Variants in DLC1 observed in about 807,000 individuals in gnomAD.
DLC1 encodes DLC1 Rho GTPase activating protein.
Under a neutral mutation model 140.3 loss-of-function variants are expected in DLC1, and 54 were observed. The ratio of observed to expected loss-of-function variants is 0.38; its 90% CI spans 0.31 to 0.48. DLC1 has a LOEUF of 0.48. DLC1 is among the 20% of genes least tolerant of loss of function. The probability of loss-of-function intolerance (pLI) is 0.96; values close to 1 mark genes in which losing one functional copy is unlikely to be tolerated. For synonymous variants in DLC1, 986 were observed against 728.1 expected, an observed-to-expected ratio of 1.35 and a Z score of -5.70; for missense variants, 2,536 against 1,907.0, an observed-to-expected ratio of 1.33 and a Z score of -6.14.
At chr8:13,140,716 T>C (rs1051254875) in intron 5 of DLC1, among the ~76,000 whole-genome samples, 5 of 152,194 alleles carry the variant, frequency 3.3e-5, no homozygotes, top group African/African-American at 1.2e-4. Flanking sequence ...TTAAAGGTCT[T>C]ACTTATTTGT....
At chr8:13,335,874 T>G (rs933941638) in intron 4 of DLC1, among the ~76,000 whole-genome samples, 2 of 149,776 alleles carry the variant, frequency 1.3e-5, no homozygotes, top group Non-Finnish European at 3.0e-5. Flanking sequence ...CTAAGTCATG[T>G]GTAATCATGA....
intron 1 of DLC1, among the ~76,000 whole-genome samples, chr8:13,587,760 C>G (rs867721001): frequency 6.6e-6 from 1 of 151,660 alleles, no homozygotes; most frequent in Non-Finnish European, 1.5e-5. Context: ...ATACAGCAAT[C>G]AGAGAACTAA....
At chr8:13,114,768 G>T (rs1221205387) in intron 6 of DLC1, among the ~76,000 whole-genome samples, 1 of 152,182 alleles carries the variant, frequency 6.6e-6, no homozygotes, top group Non-Finnish European at 1.5e-5. Flanking sequence ...TCATTACCAT[G>T]AAGGATTAGG....
intron 5 of DLC1, among the ~76,000 whole-genome samples, chr8:13,161,059 C>T (rs6993116): frequency 0.97 from 147,581 of 152,308 alleles, 71,682 homozygotes; most frequent in East Asian, 1. Flanking sequence ...CCAGCCTGGG[C>T]GACAGAGCGA....
intron 2 of DLC1, among the ~76,000 whole-genome samples, chr8:13,459,446 T>C (rs1443740389): frequency 6.6e-6 from 1 of 152,212 alleles, no homozygotes. Flanking sequence ...GTTTTTTCCC[T>C]CTCCTTCCTC....
intron 4 of DLC1, among the ~76,000 whole-genome samples, chr8:13,353,134 C>T (rs1230451113): frequency 2.0e-5 from 3 of 152,162 alleles, no homozygotes; most frequent in East Asian, 3.8e-4. Context: ...CTATACGTGG[C>T]TTTCCTCTTG....
chr8:13,319,477 G>GC (rs1563250221), intron 4 of DLC1, among the ~76,000 whole-genome samples: 1 of 119,622 alleles, frequency 8.4e-6, no homozygotes, highest in Admixed American at 9.6e-5. Flanking sequence ...GGCGGGGCGG[G>GC]GGGGGGGGGT....
chr8:13,320,704 T>C (rs76125610), intron 4 of DLC1, among the ~76,000 whole-genome samples: 11,840 of 152,130 alleles, frequency 0.078, 929 homozygotes, highest in East Asian at 0.38. Context: ...TATTAGTTCC[T>C]GTGAGAACGG....
At chr8:13,379,850 A>G (rs752972253) in intron 4 of DLC1, among the ~76,000 whole-genome samples, 10 of 152,316 alleles carry the variant, frequency 6.6e-5, no homozygotes, top group Middle Eastern at 6.8e-3. Context: ...TTGCAGGGAC[A>G]TCGATGAAAC....
intron 10 of DLC1, among the ~76,000 whole-genome samples, chr8:13,097,297 T>G (rs191205228): frequency 6.6e-6 from 1 of 150,988 alleles, no homozygotes; most frequent in Non-Finnish European, 1.5e-5. Flanking sequence ...AGTCTTACTC[T>G]GTCACCCAGG....
intron 1 of DLC1, among the ~76,000 whole-genome samples, chr8:13,547,008 G>A (rs942326966): frequency 2.4e-4 from 37 of 152,024 alleles, no homozygotes; most frequent in African/African-American, 8.7e-4. Flanking sequence ...TATGTTAAAT[G>A]TCTATGATAT....
chr8:13,371,511 A>T (rs1312509705), intron 4 of DLC1, among the ~76,000 whole-genome samples: 1 of 151,670 alleles, frequency 6.6e-6, no homozygotes, highest in African/African-American at 2.4e-5. Context: ...TGTACCTTTG[A>T]CAATTGGAGC....
intron 1 of DLC1, among the ~76,000 whole-genome samples, chr8:13,552,111 G>A (rs866857744): frequency 1.1e-4 from 6 of 54,528 alleles, no homozygotes; most frequent in Admixed American, 2.3e-4. Context: ...GTCTAGAGGT[G>A]TATATATATA....
chr8:13,337,994 C>G (rs559997219), intron 4 of DLC1, among the ~76,000 whole-genome samples: 1 of 152,244 alleles, frequency 6.6e-6, no homozygotes, highest in South Asian at 2.1e-4. Flanking sequence ...GAGTAGTATA[C>G]TTCAGTGTTC....
chr8:13,353,842 A>C (rs906983577), intron 4 of DLC1, among the ~76,000 whole-genome samples: 2 of 151,324 alleles, frequency 1.3e-5, no homozygotes, highest in Non-Finnish European at 2.9e-5. Context: ...GGGGGACAAG[A>C]GTGAGACTTC....
chr8:13,297,492 G>T (rs1405353177), intron 5 of DLC1, among the ~76,000 whole-genome samples: 1 of 151,902 alleles, frequency 6.6e-6, no homozygotes, highest in Non-Finnish European at 1.5e-5. Context: ...AGAATAGAAA[G>T]ATAAGACTCT....
intron 2 of DLC1, among the ~76,000 whole-genome samples, chr8:13,417,534 A>T (rs112311361): frequency 1.3e-5 from 2 of 151,794 alleles, no homozygotes; most frequent in Non-Finnish European, 2.9e-5. Context: ...TACAAAGGAC[A>T]TGAACTCATC....
chr8:13,312,361 A>AAAAAAAAAAAT (rs1832704460), intron 4 of DLC1, among the ~76,000 whole-genome samples: 1 of 55,008 alleles, frequency 1.8e-5, no homozygotes, highest in Non-Finnish European at 3.5e-5. Flanking sequence ...ACTCCGTCTC[A>AAAAAAAAAAAT]AAAAAAAAAA....
In DLC1 at chr8:13,100,041, T is replaced by A. The variant is rs746195574; in HGVS notation, c.2296A>T (p.Ser766Cys). ...ATGCCCACCCGCTTGTTGCACGCAC[T>A]GAGGCTCCGGGTCCTCGTAACAGGG... is the stretch of plus-strand genomic sequence containing the variant. ...PSPVTRTRSLSACNKRVGMYL... is the reference protein window; with the variant it reads ...PSPVTRTRSLCACNKRVGMYL... The change falls in exon 9 of 18, where the codon AGT becomes TGT. Residue 766 changes from serine to cysteine, a missense_variant. Coordinates refer to ENST00000276297, the MANE Select transcript of DLC1 (RefSeq NM_182643.3). 8.7e-6 allele frequency: 14 copies of A among 1,613,234 alleles called. 1 individual carries two copies. The South Asian group carries it at 1.5e-4, about 18-fold the overall frequency.
Sources: gnomAD v4.1 joint callset for allele counts (sites outside exome capture counted in the v4.1 genomes callset) on GRCh38, gnomAD v4.1.1 for gene constraint, MANE v1.5 for transcripts, NCBI Gene and HGNC (gene_info 2026-07-23, HGNC 2026-07-21) for gene names.